Variants in LYZL1 observed in about 807,000 individuals in gnomAD.
The protein encoded by LYZL1 is lysozyme like 1.
In LYZL1, 16 loss-of-function variants were observed where a neutral mutation model predicts 17.9. That is an observed-to-expected ratio of 0.90 (90% CI 0.61 to 1.36). The LOEUF (loss-of-function observed/expected upper bound fraction) is 1.36. LYZL1 is among the 40% of genes most tolerant of loss of function. The pLI is 0.00. For synonymous variants in LYZL1, 58 were observed against 71.8 expected, an observed-to-expected ratio of 0.81 and a Z score of 0.97; for missense variants, 149 against 188.4, an observed-to-expected ratio of 0.79 and a Z score of 1.22.
At chr10:29,308,171 C>T (rs2817808) in intron 3 of LYZL1, among the ~76,000 whole-genome samples, 150,077 of 152,326 alleles carry the variant, frequency 0.99, 73,930 homozygotes, top group Middle Eastern at 1. Context: ...GTGCTGCCCC[C>T]GCTGCAGTTG....
chr10:29,290,884 G>T (rs1213021098), intron 1 of LYZL1, among the ~76,000 whole-genome samples: 3 of 152,060 alleles, frequency 2.0e-5, no homozygotes, highest in Non-Finnish European at 2.9e-5. Context: ...TGGAAGCAAA[G>T]CTCCCACATT....
intron 3 of LYZL1, among the ~76,000 whole-genome samples, chr10:29,316,237 A>G (rs1835728404): frequency 6.6e-6 from 1 of 152,138 alleles, no homozygotes; most frequent in Non-Finnish European, 1.5e-5. Context: ...TCTTTCCCTC[A>G]TTTTTCTCCC....
intron 3 of LYZL1, among the ~76,000 whole-genome samples, chr10:29,293,103 C>CT (rs1277990218): frequency 8.1e-6 from 1 of 124,096 alleles, no homozygotes; most frequent in Non-Finnish European, 1.8e-5. Context: ...TTTTTCTTTT[C>CT]TTTCTTTTTT....
rs368706747 is a variant in LYZL1, at chr10:29,292,075, C to T, written c.139+69C>T. ...CCCCTGAGATGTTGAAGGTCCTGGC[C>T]ACACTCCCTGCTGTGTCTTCCCAAC... On this transcript the variant is annotated intron_variant, in intron 2 of 4. Transcript: ENST00000649382. The T allele has an allele frequency of 2.2e-3, 3,285 of 1,526,244 alleles. 19 individuals carry two copies. Among genetic ancestry groups the T allele is most frequent in the South Asian group, 5.2e-3 (417 of 80,478 alleles). The allele number at this position is 1,526,244 out of a possible 1,614,324, so 94.5% of individuals were successfully genotyped here.
chr10:29,312,879 G>A (rs78485178), downstream of LYZL1, among the ~76,000 whole-genome samples: 2,048 of 152,240 alleles, frequency 0.013, 32 homozygotes, highest in East Asian at 0.071. Flanking sequence ...AATTTGACCT[G>A]GAAAATGCCT....
intron 3 of LYZL1, among the ~76,000 whole-genome samples, chr10:29,299,437 G>A (rs1835488471): frequency 1.3e-5 from 2 of 152,114 alleles, no homozygotes; most frequent in African/African-American, 4.8e-5. Context: ...GTGGGTAGAT[G>A]TTCTATAAGT....
chr10:29,312,580 G>A (rs1188065179), downstream of LYZL1, among the ~76,000 whole-genome samples: 4 of 152,248 alleles, frequency 2.6e-5, no homozygotes, highest in East Asian at 1.9e-4. Flanking sequence ...AACCTTAGAC[G>A]TGCAGATTTT....
intron 1 of LYZL1, among the ~76,000 whole-genome samples, chr10:29,290,711 C>G (rs374231495): frequency 6.6e-6 from 1 of 151,884 alleles, no homozygotes; most frequent in South Asian, 2.1e-4. Flanking sequence ...TGGTGGTGGG[C>G]GCCTGTAATC....
chr10:29,301,776 G>T (rs1835522169), intron 3 of LYZL1, among the ~76,000 whole-genome samples: 1 of 151,922 alleles, frequency 6.6e-6, no homozygotes, highest in African/African-American at 2.4e-5. Context: ...CTCCTTCAAG[G>T]ATTCTAATGG....
chr10:29,289,420 T>TTC (rs1336611466), intron 1 of LYZL1, among the ~76,000 whole-genome samples, 190 bp downstream of exon 1: 6 of 146,974 alleles, frequency 4.1e-5, no homozygotes, highest in African/African-American at 1.3e-4. Context: ...TTCTTTTCTT[T>TTC]TTTTTTTTTT....
rs762978109 is a variant in LYZL1 at position 29,292,668 on chromosome 10, G to A, written c.289G>A (p.Ala97Thr). 82 of 1,613,074 alleles carry A rather than the reference G, an allele frequency of 5.1e-5. No individual in the cohort carries two copies. Among genetic ancestry groups the A allele is most frequent in the Non-Finnish European group, 6.4e-5 (76 of 1,179,494 alleles). ...KLKENNHCHV[A>T]CSALITDDLT... ...GAAGGAGAACAACCACTGCCATGTC[G>A]CCTGCTCAGGTGAGGCTCTGACTTT... Residue 97 changes from alanine (A) to threonine (T), a missense_variant, in exon 3 of 5, where the codon GCC becomes ACC. This residue lies in a region of LYZL1 where 130 missense variants were observed against 132.5 expected (regional missense o/e 0.98). Transcript: ENST00000649382.
chr10:29,309,349 A>AAAAAC (rs551140904), intron 3 of LYZL1, among the ~76,000 whole-genome samples: 3 of 152,100 alleles, frequency 2.0e-5, no homozygotes, highest in East Asian at 3.9e-4. Context: ...AAACAAAAAC[A>AAAAAC]AAAACAAAAC....
intron 3 of LYZL1, among the ~76,000 whole-genome samples, chr10:29,309,226 G>A (rs1835636935): frequency 6.6e-6 from 1 of 151,834 alleles, no homozygotes; most frequent in Non-Finnish European, 1.5e-5. Flanking sequence ...CTACTGGGGA[G>A]GCTGCGGCAG....
chr10:29,290,713 C>T (rs776488112), intron 1 of LYZL1, among the ~76,000 whole-genome samples: 2 of 152,010 alleles, frequency 1.3e-5, no homozygotes, highest in Non-Finnish European at 2.9e-5. Context: ...GTGGTGGGCG[C>T]CTGTAATCCC....
chr10:29,296,216 A>T (rs1282516455), intron 3 of LYZL1, among the ~76,000 whole-genome samples: 2 of 152,234 alleles, frequency 1.3e-5, no homozygotes. Flanking sequence ...TATACAAGAT[A>T]AATGGAAGAG....
At position 29,306,442 on chromosome 10, in the gene LYZL1, C is replaced by T. The variant is rs1485025012; in HGVS notation, c.299-3668C>T. ...GCGGGCGCCTGTAGTCCCAGCTACT[C>T]GGGAGGCTGAGGCAGGAGAATGGCG... is the stretch of plus-strand genomic sequence containing the variant. On this transcript the variant is annotated intron_variant, in intron 3 of 4. Coordinates refer to ENST00000649382, the MANE Select transcript of LYZL1 (RefSeq NM_032517.6). 1.0e-4 allele frequency among the ~76,000 whole-genome samples: 14 copies of T among 138,706 alleles called. 2 individuals carry two copies. The highest frequency in any genetic ancestry group is 1.6e-4 in the Non-Finnish European group (10 of 64,388). The allele number at this position is 138,706 out of a possible 152,430, so 91.0% of individuals were successfully genotyped here.
chr10:29,313,790 A>T (rs575092023), downstream of LYZL1, among the ~76,000 whole-genome samples: 27 of 152,320 alleles, frequency 1.8e-4, no homozygotes, highest in African/African-American at 6.3e-4. Flanking sequence ...TCCCCTTTAT[A>T]GTTTCTAAGA....
downstream of LYZL1, among the ~76,000 whole-genome samples, chr10:29,315,394 C>A (rs1174150236): frequency 6.6e-6 from 1 of 152,100 alleles, no homozygotes; most frequent in African/African-American, 2.4e-5. Flanking sequence ...TGCCTGTAAT[C>A]CTAGCTACTC....
intron 3 of LYZL1, among the ~76,000 whole-genome samples, chr10:29,305,444 T>G (rs1293431889): frequency 6.6e-6 from 1 of 152,204 alleles, no homozygotes; most frequent in Admixed American, 6.5e-5. Flanking sequence ...TAACTGGGTG[T>G]GTGACCTTGG....
Sources: gnomAD v4.1 joint callset for allele counts (sites outside exome capture counted in the v4.1 genomes callset) on GRCh38, gnomAD v4.1.1 for gene constraint, gnomAD v4.1.1 regional missense constraint, MANE v1.5 for transcripts, NCBI Gene and HGNC (gene_info 2026-07-23, HGNC 2026-07-21) for gene names.